ITPR2: variants seen among roughly 807,000 people sequenced by gnomAD.
The protein encoded by ITPR2 is inositol 1,4,5-trisphosphate-gated calcium channel ITPR2.
In ITPR2, 207 loss-of-function variants were observed where a neutral mutation model predicts 317.1. That is an observed-to-expected ratio of 0.65 (90% CI 0.58 to 0.73). The LOEUF (loss-of-function observed/expected upper bound fraction) is 0.73, where lower values mean the gene tolerates loss of function less well. Among genes scored for constraint, ITPR2 ranks in the 30% least tolerant of loss-of-function variants. The pLI, the probability that ITPR2 is intolerant of heterozygous loss-of-function variation, is 0.00. For synonymous variants in ITPR2, 1,156 were observed against 1,149.1 expected (o/e 1.01, Z -0.12); for missense variants, 2,613 against 3,284.0 (o/e 0.80, Z 4.99).
chr12:26,669,455 T>G (rs1480792962), intron 13 of ITPR2, among the ~76,000 whole-genome samples: 2 of 152,172 alleles, frequency 1.3e-5, no homozygotes, highest in Non-Finnish European at 2.9e-5. Context: ...ATACCTTAAG[T>G]GTCAAATGAG....
intron 2 of ITPR2, among the ~76,000 whole-genome samples, chr12:26,751,665 G>A (rs1243896964): frequency 2.6e-5 from 4 of 151,960 alleles, no homozygotes; most frequent in East Asian, 1.9e-4. Context: ...TCAGAAGTTC[G>A]AGACCAGCCT....
At position 26,358,108 on chromosome 12, in the gene ITPR2, C is replaced by CTTGAGCATGAAAAGTGTGCTGCT. The variant is rs1938698782; in HGVS notation, c.7858-17781_7858-17780insAGCAGCACACTTTTCATGCTCAA. Reference sequence around the variant, plus strand: ...TGGATAAAGAATAAAGTCGTTCGGCCGGGCGCGGTGGCTCACGCCTGTAAT... The same window carrying CTTGAGCATGAAAAGTGTGCTGCT: ...TGGATAAAGAATAAAGTCGTTCGGCCTTGAGCATGAAAAGTGTGCTGCTGGGCGCGGTGGCTCACGCCTGTAAT... On this transcript the variant is annotated intron_variant, in intron 55 of 56. Coordinates refer to ENST00000381340, the MANE Select transcript of ITPR2 (RefSeq NM_002223.4). 5.9e-3 allele frequency among the ~76,000 whole-genome samples: 2 copies of CTTGAGCATGAAAAGTGTGCTGCT among 338 alleles called. 1 individual carries two copies. The highest frequency in any genetic ancestry group is 6.1e-3 in the African/African-American group (2 of 330). 0.2% of individuals were successfully genotyped at this position (338 alleles called of 152,430 possible).
chr12:26,461,702 ACACAC>A (rs1942034093), intron 45 of ITPR2, among the ~76,000 whole-genome samples: 1 of 137,808 alleles, frequency 7.3e-6, no homozygotes, highest in Admixed American at 7.2e-5. Context: ...ACACACACAC[ACACAC>A]ACACACACAC....
intron 34 of ITPR2, among the ~76,000 whole-genome samples, chr12:26,572,078 A>G (rs1945175546): frequency 6.6e-6 from 1 of 152,194 alleles, no homozygotes; most frequent in South Asian, 2.1e-4. Flanking sequence ...CATTTTAAAT[A>G]TGCATATCCC....
At chr12:26,619,371 G>T (rs116918341) in intron 26 of ITPR2, among the ~76,000 whole-genome samples, 3,234 of 152,264 alleles carry the variant, frequency 0.021, 45 homozygotes, top group Non-Finnish European at 0.034. Context: ...CCTGCTAGAA[G>T]AATCCAGTTT....
intron 37 of ITPR2, among the ~76,000 whole-genome samples, chr12:26,503,848 G>C (rs914061992): frequency 2.0e-5 from 3 of 152,204 alleles, no homozygotes; most frequent in Non-Finnish European, 2.9e-5. Flanking sequence ...GGGAAGACTT[G>C]TACAATTGAT....
chr12:26,563,892 C>T (rs781607241), intron 34 of ITPR2, among the ~76,000 whole-genome samples: 4 of 152,140 alleles, frequency 2.6e-5, no homozygotes, highest in African/African-American at 4.8e-5. Context: ...TTCCTAATTA[C>T]GAACACACCA....
chr12:26,830,272 A>G lies in ITPR2; in HGVS notation c.92+2418T>C, dbSNP rs150111828. 1.9e-4 allele frequency among the ~76,000 whole-genome samples: 29 copies of G among 152,362 alleles called. No individual in the cohort carries two copies. The East Asian group carries it at 5.6e-3, about 29-fold the overall frequency. The stretch of plus-strand genomic sequence containing the variant: ...GCAGCACGAAGGCTTTGTCATATTA[A>G]CTTCAACAAGACTCAGTTCATTAAT... On this transcript the variant is annotated intron_variant, in intron 1 of 56. Coordinates refer to ENST00000381340, the MANE Select transcript of ITPR2 (RefSeq NM_002223.4).
intron 2 of ITPR2, among the ~76,000 whole-genome samples, chr12:26,775,355 A>G (rs191761446): frequency 1.3e-5 from 2 of 152,334 alleles, no homozygotes; most frequent in East Asian, 3.9e-4. Flanking sequence ...TTAGGCTAAA[A>G]CAAACCTAGA....
chr12:26,818,360 A>G (rs1344074923), intron 1 of ITPR2, among the ~76,000 whole-genome samples: 1 of 152,234 alleles, frequency 6.6e-6, no homozygotes, highest in Non-Finnish European at 1.5e-5. Flanking sequence ...AGACCTTCTG[A>G]GAGATTCTTT....
At chr12:26,646,956 G>A (rs576888521) in intron 21 of ITPR2, among the ~76,000 whole-genome samples, 2 of 152,316 alleles carry the variant, frequency 1.3e-5, no homozygotes, top group Non-Finnish European at 2.9e-5. Flanking sequence ...AAGCTATGAA[G>A]AAACTATTTA....
intron 1 of ITPR2, among the ~76,000 whole-genome samples, chr12:26,821,953 G>C (rs767664218): frequency 5.3e-5 from 8 of 152,100 alleles, no homozygotes; most frequent in South Asian, 2.1e-4. Context: ...TTGGGTTTTT[G>C]TCAGGTTTTG....
At chr12:26,782,037 TAG>T (rs1177233376) in intron 2 of ITPR2, among the ~76,000 whole-genome samples, 1,452 of 51,508 alleles carry the variant, frequency 0.028, 18 homozygotes, top group Middle Eastern at 0.051. Context: ...TATATATGTA[TAG>T]AGAGAGAGAG....
chr12:26,413,970 A>ACT (rs1940634786), intron 51 of ITPR2, among the ~76,000 whole-genome samples: 2 of 151,554 alleles, frequency 1.3e-5, no homozygotes, highest in African/African-American at 4.8e-5. Flanking sequence ...GTACTGAGTT[A>ACT]CTCAGTGTCA....
intron 32 of ITPR2, among the ~76,000 whole-genome samples, chr12:26,581,681 T>A (rs1340145571): frequency 1.3e-5 from 2 of 152,192 alleles, no homozygotes; most frequent in African/African-American, 4.8e-5. Flanking sequence ...GATTAAAATT[T>A]AATTTAATTT....
At chr12:26,599,055 TG>T in intron 30 of ITPR2, 89 bp downstream of exon 30, 1 of 1,160,984 alleles carries the variant, frequency 8.6e-7, no homozygotes, top group East Asian at 2.4e-5. Context: ...TCCAAACCTA[TG>T]TTGTTGGGGG....
intron 3 of ITPR2, 99 bp downstream of exon 3, chr12:26,725,551 G>A: frequency 1.3e-6 from 1 of 764,114 alleles, no homozygotes. Context: ...AAATCTCTGT[G>A]TTTTGGGTGA....
chr12:26,665,157 C>T (rs1489928503), intron 14 of ITPR2, among the ~76,000 whole-genome samples: 1 of 152,182 alleles, frequency 6.6e-6, no homozygotes, highest in East Asian at 1.9e-4. Flanking sequence ...CAGTTCTGTA[C>T]TTTCAGGGAA....
chr12:26,579,952 T>C (rs1460912736), intron 33 of ITPR2, 75 bp downstream of exon 33: 1 of 1,273,938 alleles, frequency 7.8e-7, no homozygotes, highest in Non-Finnish European at 1.1e-6. Flanking sequence ...GATGACTTCC[T>C]GACCAGAAAA....
Sources: allele counts gnomAD v4.1 joint callset (sites outside exome capture counted in the v4.1 genomes callset), GRCh38; gene constraint gnomAD v4.1.1; transcripts MANE v1.5; gene names NCBI Gene and HGNC (gene_info 2026-07-23, HGNC 2026-07-21).